NTM: variants seen among roughly 807,000 people sequenced by gnomAD.
NTM encodes the protein neurotrimin.
A neutral mutation model predicts 42.1 loss-of-function variants in NTM; 13 were observed. The ratio of observed to expected loss-of-function variants is 0.31; its 90% confidence interval spans 0.20 to 0.49. The LOEUF is 0.49. Ranked by LOEUF, NTM falls within the 20% of genes least tolerant of loss-of-function variation. The pLI, the probability that NTM is intolerant of heterozygous loss-of-function variation, is 0.99. For synonymous variants in NTM, 187 were observed against 179.2 expected (o/e 1.04, Z -0.35); for missense variants, 373 against 452.8 (o/e 0.82, Z 1.60).
intron 2 of NTM, among the ~76,000 whole-genome samples, chr11:132,021,040 C>T (rs1050250545): frequency 6.6e-6 from 1 of 152,070 alleles, no homozygotes; most frequent in Non-Finnish European, 1.5e-5. Flanking sequence ...TGCTGGCACT[C>T]TGAGGCTTTG....
In NTM at chr11:132,002,268, A is replaced by G. The variant is rs185251780; in HGVS notation, c.167+90620A>G. On this transcript the variant is annotated intron_variant, in intron 2 of 8. Transcript: ENST00000683400. This position sits in a 1 kb window ranked among gnomAD's most constrained non-coding sequence, Gnocchi z 4.5. Reference sequence around the variant, plus strand: ...ACTTGTCTTGTGAGCTATTTGTGGCAGCTTTACTGTACAAAAGCGATGAAA... The same window carrying G: ...ACTTGTCTTGTGAGCTATTTGTGGCGGCTTTACTGTACAAAAGCGATGAAA... 2.0e-5 allele frequency among the ~76,000 whole-genome samples: 3 copies of G among 152,348 alleles called. No homozygotes were observed. The highest frequency in any genetic ancestry group is 1.9e-4 in the East Asian group (1 of 5,186).
chr11:131,614,918 A>T (rs2061778695), intron 1 of NTM, among the ~76,000 whole-genome samples: 1 of 152,124 alleles, frequency 6.6e-6, no homozygotes, highest in South Asian at 2.1e-4. Flanking sequence ...TGTTTCTCTC[A>T]CATTCTCTGG....
chr11:132,001,922 G>A (rs1037350108), intron 2 of NTM, among the ~76,000 whole-genome samples: 2 of 152,128 alleles, frequency 1.3e-5, no homozygotes, highest in Non-Finnish European at 2.9e-5. Flanking sequence ...AGGTATGGAT[G>A]GCCAAGGAAA....
intron 1 of NTM, among the ~76,000 whole-genome samples, chr11:131,657,587 C>T (rs1353319456): frequency 6.6e-6 from 1 of 152,224 alleles, no homozygotes; most frequent in Non-Finnish European, 1.5e-5. Flanking sequence ...CTACCTCTGT[C>T]TTGTCAATAG....
chr11:132,152,152 A>G (rs1284945410), intron 3 of NTM, among the ~76,000 whole-genome samples: 1 of 152,240 alleles, frequency 6.6e-6, no homozygotes, highest in Non-Finnish European at 1.5e-5. Context: ...ATATCAAAGG[A>G]AATAATGTGA....
chr11:131,989,450 C>T (rs531998040), intron 2 of NTM, among the ~76,000 whole-genome samples: 7 of 152,134 alleles, frequency 4.6e-5, no homozygotes, highest in East Asian at 1.9e-4. Context: ...ATAAAAGAAA[C>T]GAACTCATAG....
At chr11:131,729,918 T>A (rs1190882813) in intron 1 of NTM, among the ~76,000 whole-genome samples, 1 of 93,216 alleles carries the variant, frequency 1.1e-5, no homozygotes, top group Middle Eastern at 5.0e-3. Context: ...CATACAGAGT[T>A]TTTTTTTGGA....
At chr11:131,976,021 T>C (rs528543783) in intron 2 of NTM, among the ~76,000 whole-genome samples, 1 of 152,212 alleles carries the variant, frequency 6.6e-6, no homozygotes, top group Admixed American at 6.5e-5. Flanking sequence ...TGTTACCTGC[T>C]CAAAAAGAAC....
chr11:132,184,420 T>C (rs1386150070), intron 3 of NTM, among the ~76,000 whole-genome samples: 1 of 152,204 alleles, frequency 6.6e-6, no homozygotes, highest in Admixed American at 6.5e-5. Context: ...CACACCCATG[T>C]GAGTGCTGCT....
At chr11:131,944,356 A>G (rs1057398809) in intron 2 of NTM, among the ~76,000 whole-genome samples, 5 of 152,182 alleles carry the variant, frequency 3.3e-5, no homozygotes, top group Admixed American at 3.3e-4. Context: ...CTCTTGATGA[A>G]CTATATTTGG....
At chr11:131,984,793 TATAACTC>T (rs1443163195) in intron 2 of NTM, 1 of 152,216 alleles carries the variant, frequency 6.6e-6, no homozygotes, top group Non-Finnish European at 1.5e-5. Flanking sequence ...TATAAATAGA[TATAACTC>T]ATAGACCTAC....
intron 3 of NTM, among the ~76,000 whole-genome samples, chr11:132,203,860 C>G (rs1367957383): frequency 1.3e-5 from 2 of 152,114 alleles, no homozygotes; most frequent in Non-Finnish European, 2.9e-5. Flanking sequence ...GATCGCACCA[C>G]TGCACTCCAG....
chr11:132,284,465 T>C (rs1259458196), intron 4 of NTM: 1 of 152,718 alleles, frequency 6.5e-6, no homozygotes, highest in African/African-American at 2.4e-5. Context: ...CCCAGTGACC[T>C]CAGTTTAACT....
chr11:131,456,122 C>T (rs1950868301), intron 1 of NTM, among the ~76,000 whole-genome samples: 1 of 152,106 alleles, frequency 6.6e-6, no homozygotes, highest in Non-Finnish European at 1.5e-5. Flanking sequence ...CTTAGCGTTC[C>T]AATAGTGGAG....
At chr11:131,531,889 C>T (rs1036428015) in intron 1 of NTM, among the ~76,000 whole-genome samples, 3 of 152,132 alleles carry the variant, frequency 2.0e-5, no homozygotes, top group African/African-American at 2.4e-5. Context: ...CAGAAGGAAC[C>T]GCATGCACAG....
chr11:131,680,173 G>A (rs2658837), intron 1 of NTM, among the ~76,000 whole-genome samples: 1,636 of 152,204 alleles, frequency 0.011, 10 homozygotes, highest in Non-Finnish European at 0.017. Flanking sequence ...TGTGTTGGCC[G>A]TCACAGCACC....
At chr11:131,476,475 G>A (rs1353406654) in intron 1 of NTM, among the ~76,000 whole-genome samples, 1 of 152,172 alleles carries the variant, frequency 6.6e-6, no homozygotes. Flanking sequence ...GGGAAGAGAG[G>A]TGGCATGGTG....
intron 2 of NTM, among the ~76,000 whole-genome samples, chr11:132,035,315 T>TAAA (rs2076381721): frequency 6.6e-6 from 1 of 152,200 alleles, no homozygotes; most frequent in Non-Finnish European, 1.5e-5. Flanking sequence ...AGTTTGTGTG[T>TAAA]CTTTATATCA....
intron 3 of NTM, among the ~76,000 whole-genome samples, chr11:132,186,896 C>T (rs1473056270): frequency 4.6e-5 from 7 of 152,202 alleles, no homozygotes; most frequent in Admixed American, 2.6e-4. Flanking sequence ...TTTCCTCAAA[C>T]GCTAGGTGGC....
Sources: allele counts gnomAD v4.1 joint callset (sites outside exome capture counted in the v4.1 genomes callset), GRCh38; gene constraint gnomAD v4.1.1; non-coding constraint Gnocchi (gnomAD v3.1); transcripts MANE v1.5; gene names NCBI Gene and HGNC (gene_info 2026-07-23, HGNC 2026-07-21).